IFT56: variants seen among roughly 807,000 people sequenced by gnomAD.
The protein encoded by IFT56 is intraflagellar transport protein 56.
the IFT56 span, chr7:139,172,475 C>T: frequency 2.0e-5 from 8 of 405,626 alleles, no homozygotes; most frequent in East Asian, 4.8e-4. Flanking sequence ...GAGCGCTGAG[C>T]TAGATAGAGG....
the IFT56 span, among the ~76,000 whole-genome samples, chr7:139,167,956 T>C: frequency 1.4e-4 from 21 of 149,804 alleles, no homozygotes; most frequent in Non-Finnish European, 3.1e-4. Flanking sequence ...AAAAAAAAAA[T>C]TGGAAAAGAA....
the IFT56 span, among the ~76,000 whole-genome samples, chr7:139,144,330 T>G: frequency 1.3e-5 from 2 of 152,118 alleles, no homozygotes; most frequent in Non-Finnish European, 2.9e-5. Flanking sequence ...TAGGTCCTTG[T>G]CTCTACTGAG....
chr7:139,156,747 T>C, the IFT56 span, among the ~76,000 whole-genome samples: 4 of 152,256 alleles, frequency 2.6e-5, no homozygotes, highest in African/African-American at 9.6e-5. Flanking sequence ...CTTTTCCTAC[T>C]ATTCCGCCAC....
chr7:139,151,091 A>G, the IFT56 span, among the ~76,000 whole-genome samples: 2 of 152,248 alleles, frequency 1.3e-5, no homozygotes, highest in Non-Finnish European at 2.9e-5. Context: ...TGAGAAATTA[A>G]AAGTATGACT....
chr7:139,187,881 T>G, the IFT56 span, among the ~76,000 whole-genome samples: 3 of 151,952 alleles, frequency 2.0e-5, no homozygotes, highest in Non-Finnish European at 4.4e-5. Context: ...TTTTTTACTC[T>G]TCTACTCTTT....
At chr7:139,141,407 C>T in the IFT56 span, among the ~76,000 whole-genome samples, 1 of 152,016 alleles carries the variant, frequency 6.6e-6, no homozygotes. Context: ...GAGGCTACAG[C>T]CACGCCCACC....
the IFT56 span, chr7:139,160,975 G>C: frequency 6.2e-7 from 1 of 1,613,518 alleles, no homozygotes. Context: ...GATGGACAAT[G>C]CTTCTTCATC....
the IFT56 span, among the ~76,000 whole-genome samples, chr7:139,183,094 A>G: frequency 6.6e-6 from 1 of 152,256 alleles, no homozygotes. Flanking sequence ...ATAGGGGAGT[A>G]TATCTGTAGG....
the IFT56 span, chr7:139,173,938 C>T: frequency 1.4e-6 from 1 of 692,356 alleles, no homozygotes; most frequent in Non-Finnish European, 2.7e-6. Flanking sequence ...ATATCACTTT[C>T]TTCACTTATT....
chr7:139,165,094 T>C, the IFT56 span: 3 of 1,525,792 alleles, frequency 2.0e-6, no homozygotes, highest in Non-Finnish European at 2.7e-6. Flanking sequence ...AATATATACA[T>C]CATTGTTGCC....
the IFT56 span, among the ~76,000 whole-genome samples, chr7:139,138,122 T>G: frequency 6.6e-6 from 1 of 152,198 alleles, no homozygotes; most frequent in African/African-American, 2.4e-5. Flanking sequence ...TTTTAAAAAT[T>G]TATGGCTTCA....
At chr7:139,135,132 A>G in the IFT56 span, among the ~76,000 whole-genome samples, 1 of 152,054 alleles carries the variant, frequency 6.6e-6, no homozygotes, top group African/African-American at 2.4e-5. Context: ...TACAAAAATT[A>G]GCTGGGCATG....
At chr7:139,185,994 G>T in the IFT56 span, among the ~76,000 whole-genome samples, 9 of 152,008 alleles carry the variant, frequency 5.9e-5, no homozygotes, top group Non-Finnish European at 1.0e-4. Flanking sequence ...AGCTAAGAAG[G>T]CTGTCTTAAG....
chr7:139,154,354 T>C, the IFT56 span, among the ~76,000 whole-genome samples: 1 of 102,316 alleles, frequency 9.8e-6, no homozygotes. Context: ...AAAGTTATCC[T>C]TTTTTTTTTT....
At chr7:139,177,272 T>G in the IFT56 span, among the ~76,000 whole-genome samples, 2 of 151,598 alleles carry the variant, frequency 1.3e-5, no homozygotes, top group East Asian at 3.9e-4. Context: ...TATGTATATC[T>G]GATATGTATG....
the IFT56 span, chr7:139,146,972 G>C: frequency 6.6e-7 from 1 of 1,519,014 alleles, no homozygotes; most frequent in Non-Finnish European, 8.8e-7. Flanking sequence ...TATTTCCATT[G>C]TTTCTTTGCA....
At chr7:139,181,201 G>T in the IFT56 span, 1 of 1,592,390 alleles carries the variant, frequency 6.3e-7, no homozygotes, top group South Asian at 1.1e-5. Context: ...GCTACAAGGT[G>T]AGTCTGACTG....
chr7:139,152,385 C>T, the IFT56 span, among the ~76,000 whole-genome samples: 2 of 152,208 alleles, frequency 1.3e-5, no homozygotes, highest in African/African-American at 4.8e-5. Context: ...CCTTGGGCAC[C>T]CAAAGCTCTG....
At chr7:139,169,158 T>A in the IFT56 span, 1 of 734,062 alleles carries the variant, frequency 1.4e-6, no homozygotes, top group Non-Finnish European at 2.2e-6. Flanking sequence ...TTAATGAGAA[T>A]TAGTATTGTT....
Sources: gnomAD v4.1 joint callset for allele counts (sites outside exome capture counted in the v4.1 genomes callset) on GRCh38, gnomAD v4.1.1 for gene constraint, MANE v1.5 for transcripts, NCBI Gene and HGNC (gene_info 2026-07-23, HGNC 2026-07-21) for gene names.